Variants in ANP32D observed in about 807,000 individuals in gnomAD.
ANP32D encodes the protein acidic leucine-rich nuclear phosphoprotein 32 family member D.
In ANP32D, 6 loss-of-function variants were observed where a neutral mutation model predicts 7.8. That is an observed-to-expected ratio of 0.77 (90% CI 0.42 to 1.52). The LOEUF (loss-of-function observed/expected upper bound fraction) is 1.52. ANP32D is among the 40% of genes most tolerant of loss of function. ANP32D has a pLI of 0.01. For missense variants in ANP32D, 163 were observed against 145.9 expected (o/e 1.12, Z -0.60); for synonymous variants, 69 against 59.7 (o/e 1.16, Z -0.72).
Position 48,472,641 on chromosome 12 carries a change from G to C in ANP32D, c.-24G>C, listed in dbSNP as rs780959216. ...TTGGTTGAATTCCGCTGGCTCAGGA[G>C]CCTCTGCAGAGAAAGCGTGAGAGAT... is the stretch of plus-strand genomic sequence containing the variant. On this transcript the variant is annotated 5_prime_UTR_variant, in exon 1 of 1. Coordinates refer to ENST00000266594, the MANE Select transcript of ANP32D (RefSeq NM_012404.3). 1.1e-5 allele frequency: 18 copies of C among 1,613,512 alleles called. No homozygotes were observed. The highest frequency in any genetic ancestry group is 1.4e-5 in the Non-Finnish European group (17 of 1,179,758).
Position 48,472,970 on chromosome 12 carries a change from C to T in ANP32D, c.306C>T (p.Asp102=), listed in dbSNP as rs750420888. 6 of 1,614,134 alleles carry T rather than the reference C, an allele frequency of 3.7e-6. No individual in the cohort carries two copies. The Admixed American group carries it at 5.0e-5, about 13-fold the overall frequency. The change falls in exon 1 of 1, where the codon GAC becomes GAT. Residue 102 remains aspartate (D), a synonymous_variant. Transcript: ENST00000266594. The part of the protein sequence containing the change: ...HLNLSGNKIK[D]LSTIEPLKKL... ...ATTTAAGTGGCAACAAAATTAAAGA[C>T]CTCAGCACAATAGAGCCCCTGAAAA...
rs776346690 is a variant in ANP32D at position 48,472,936 on chromosome 12, T to A, written c.272T>A (p.Ile91Lys). ...TTGGCAGAAAAGTGTCCAAACCTCATACATCTAAATTTAAGTGGCAACAAA... is the reference window on the plus strand; with the variant it reads ...TTGGCAGAAAAGTGTCCAAACCTCAAACATCTAAATTTAAGTGGCAACAAA... The part of the protein sequence containing the change: ...EVLAEKCPNL[I>K]HLNLSGNKIK... The change falls in exon 1 of 1, where the codon ATA becomes AAA. Residue 91 changes from isoleucine to lysine, a missense_variant. Transcript: ENST00000266594. 1 of 1,614,148 alleles carries A rather than the reference T, an allele frequency of 6.2e-7. No homozygotes were observed. The highest frequency in any genetic ancestry group is 8.5e-7 in the Non-Finnish European group (1 of 1,180,034).
Position 48,473,195 on chromosome 12 carries a change from G to A in ANP32D, c.*135G>A, listed in dbSNP as rs1954096301. On this transcript the variant is annotated 3_prime_UTR_variant, in exon 1 of 1. Transcript: ENST00000266594. ...ACAAGGAGGAGGATGAGGATGAGGA[G>A]GAGTATGATGAAGATGCTCAGGTAA... 6.6e-6 allele frequency: 9 copies of A among 1,359,460 alleles called. No homozygotes were observed. The highest frequency in any genetic ancestry group is 2.4e-5 in the South Asian group (2 of 85,018). 84.2% of individuals were successfully genotyped at this position (1,359,460 alleles called of 1,614,324 possible). A position where few individuals can be genotyped will look rare whatever the true frequency, so the allele number is the denominator to read the frequency against.
At position 48,472,798 on chromosome 12, in the gene ANP32D, A is replaced by G. The variant is rs1449645143; in HGVS notation, c.134A>G (p.Glu45Gly). The G allele has an allele frequency of 6.2e-7, 1 of 1,614,200 alleles. No individual in the cohort carries two copies. The highest frequency in any genetic ancestry group is 1.3e-5 in the African/African-American group (1 of 75,046). Reference sequence around the variant, plus strand: ...CTCACAGATGAATTTGAAGAACTGGAATTATTAAATACAATCAACATAGGC... The same window carrying G: ...CTCACAGATGAATTTGAAGAACTGGGATTATTAAATACAATCAACATAGGC... The part of the protein sequence containing the change: ...EGLTDEFEEL[E>G]LLNTINIGLT... The change falls in exon 1 of 1, where the codon GAA (glutamate) becomes GGA (glycine). Residue 45 changes from glutamate to glycine, a missense_variant. Glu to Gly is a moderately conservative substitution (Grantham distance 98). Transcript: ENST00000266594.
Position 48,473,498 on chromosome 12 carries a change from T to A in ANP32D, c.*438T>A. On this transcript the variant is annotated 3_prime_UTR_variant, in exon 1 of 1. Coordinates refer to ENST00000266594, the MANE Select transcript of ANP32D (RefSeq NM_012404.3). ...CCTCCCCCACTCCAATCCTGCCCCCTGAAACTTATTTTTTTCTGATTGTAA... is the reference window on the plus strand; with the variant it reads ...CCTCCCCCACTCCAATCCTGCCCCCAGAAACTTATTTTTTTCTGATTGTAA... 2.5e-6 allele frequency: 1 copy of A among 396,446 alleles called. No individual in the cohort carries two copies. Among genetic ancestry groups the A allele is most frequent in the East Asian group, 6.5e-5 (1 of 15,318 alleles). The allele number at this position is 396,446 out of a possible 1,614,324, so 24.6% of individuals were successfully genotyped here.
Position 48,473,081 on chromosome 12 carries a change from C to G in ANP32D, c.*21C>G. The G allele has an allele frequency of 6.2e-7, 1 of 1,614,006 alleles. No individual in the cohort carries two copies. On this transcript the variant is annotated 3_prime_UTR_variant, in exon 1 of 1. Coordinates refer to ENST00000266594, the MANE Select transcript of ANP32D (RefSeq NM_012404.3). ...ACTGAGAAAAGATGTTCAAGCTCCT[C>G]CTGCAACTCACATATCTCAACGGCT...
chr12:48,472,985 G>A lies in ANP32D; in HGVS notation c.321G>A (p.Glu107=), dbSNP rs527368156. ...GNKIKDLSTI[E]PLKKLENLES... is the part of the protein sequence containing the mutation. ...AAATTAAAGACCTCAGCACAATAGA[G>A]CCCCTGAAAAAGTTAGAAAACCTCG... Residue 107 remains glutamate, a synonymous_variant, in exon 1 of 1, where the codon GAG becomes GAA. Coordinates refer to ENST00000266594, the MANE Select transcript of ANP32D (RefSeq NM_012404.3). 17 of 1,614,096 alleles carry A rather than the reference G, an allele frequency of 1.1e-5. No individual in the cohort carries two copies. The African/African-American group carries it at 2.0e-4, about 19-fold the overall frequency.
In ANP32D at chr12:48,472,761, A is replaced by C; in HGVS notation, c.97A>C (p.Lys33Gln). 6.2e-7 allele frequency: 1 copy of C among 1,614,230 alleles called. No individual in the cohort carries two copies. The highest frequency in any genetic ancestry group is 8.5e-7 in the Non-Finnish European group (1 of 1,180,030). The change falls in exon 1 of 1, where the codon AAA becomes CAA. Residue 33 changes from lysine (K) to glutamine (Q), a missense_variant. Coordinates refer to ENST00000266594, the MANE Select transcript of ANP32D (RefSeq NM_012404.3). The stretch of plus-strand genomic sequence containing the variant: ...GGACAACAGTCAGTCAAATGAAGGC[A>C]AATTGGAAGGCCTCACAGATGAATT... Reference protein sequence around the residue: ...FLDNSQSNEGKLEGLTDEFEE... With the variant: ...FLDNSQSNEGQLEGLTDEFEE...
Position 48,473,388 on chromosome 12 carries a change from G to T in ANP32D, c.*328G>T, listed in dbSNP as rs1954099247. ...GGGTCAGAAGCGAAAATAAGAAACT[G>T]AAGATGAGGGAGAAGACGATGCCTA... On this transcript the variant is annotated 3_prime_UTR_variant, in exon 1 of 1. Transcript: ENST00000266594. 1.1e-6 allele frequency: 1 copy of T among 917,392 alleles called. No individual in the cohort carries two copies. Among genetic ancestry groups the T allele is most frequent in the Non-Finnish European group, 1.7e-6 (1 of 585,250 alleles). The allele number at this position is 917,392 out of a possible 1,614,324, so 56.8% of individuals were successfully genotyped here.
Position 48,473,323 on chromosome 12 carries a change from A to T in ANP32D, c.*263A>T. On this transcript the variant is annotated 3_prime_UTR_variant, in exon 1 of 1. Coordinates refer to ENST00000266594, the MANE Select transcript of ANP32D (RefSeq NM_012404.3). ...GAAGGTTATAACAATGGAGAGGTAG[A>T]TGATGAGGAAGATGAAGAAGAGCTT... 1 of 1,178,844 alleles carries T rather than the reference A, an allele frequency of 8.5e-7. No homozygotes were observed. The highest frequency in any genetic ancestry group is 1.2e-6 in the Non-Finnish European group (1 of 806,530). 73.0% of individuals were successfully genotyped at this position (1,178,844 alleles called of 1,614,324 possible). A position where few individuals can be genotyped will look rare whatever the true frequency, so the allele number is the denominator to read the frequency against.
chr12:48,473,143 G>T lies in ANP32D; in HGVS notation c.*83G>T. On this transcript the variant is annotated 3_prime_UTR_variant, in exon 1 of 1. Transcript: ENST00000266594. ...GACAAGGAGGCCCCTAACTCGGATG[G>T]TGAGGGCTTTGTGGAGTGCCTGGAT... 6.3e-7 allele frequency: 1 copy of T among 1,597,298 alleles called. No individual in the cohort carries two copies. The highest frequency in any genetic ancestry group is 1.7e-5 in the Admixed American group (1 of 59,836).
Position 48,473,087 on chromosome 12 carries a change from A to AC in ANP32D, c.*28dup. ...AAAAGATGTTCAAGCTCCTCCTGCA[A>AC]CTCACATATCTCAACGGCTGTGACC... On this transcript the variant is annotated 3_prime_UTR_variant, in exon 1 of 1. Transcript: ENST00000266594. 1 of 1,613,942 alleles carries AC rather than the reference A, an allele frequency of 6.2e-7. No individual in the cohort carries two copies. The highest frequency in any genetic ancestry group is 8.5e-7 in the Non-Finnish European group (1 of 1,179,960).
In ANP32D at chr12:48,472,760, C is replaced by A. The variant is rs1415361371; in HGVS notation, c.96C>A (p.Gly32=). Residue 32 remains glycine (G), a synonymous_variant, in exon 1 of 1, where the codon GGC becomes GGA. Transcript: ENST00000266594. The stretch of plus-strand genomic sequence containing the variant: ...TGGACAACAGTCAGTCAAATGAAGG[C>A]AAATTGGAAGGCCTCACAGATGAAT... ...LFLDNSQSNE[G]KLEGLTDEFE... is the part of the protein sequence containing the mutation. 1 of 1,614,020 alleles carries A rather than the reference C, an allele frequency of 6.2e-7. No homozygotes were observed. Among genetic ancestry groups the A allele is most frequent in the Non-Finnish European group, 8.5e-7 (1 of 1,180,026 alleles).
rs1447842379 is a variant in ANP32D, at chr12:48,473,257, G to A, written c.*197G>A. On this transcript the variant is annotated 3_prime_UTR_variant, in exon 1 of 1. Coordinates refer to ENST00000266594, the MANE Select transcript of ANP32D (RefSeq NM_012404.3). ...GAGGACGAGGATGAGGAGGAGGAAC[G>A]TGAAGAGGAGGACGTGAGTGGAGAC... is the stretch of plus-strand genomic sequence containing the variant. The A allele has an allele frequency of 1.9e-5, 21 of 1,080,642 alleles. No individual in the cohort carries two copies. Among genetic ancestry groups the A allele is most frequent in the Admixed American group, 1.4e-4 (7 of 51,430 alleles). The allele number at this position is 1,080,642 out of a possible 1,614,324, so 66.9% of individuals were successfully genotyped here.
Position 48,473,155 on chromosome 12 carries a change from T to C in ANP32D, c.*95T>C. 6.4e-7 allele frequency: 1 copy of C among 1,551,254 alleles called. No individual in the cohort carries two copies. On this transcript the variant is annotated 3_prime_UTR_variant, in exon 1 of 1. Coordinates refer to ENST00000266594, the MANE Select transcript of ANP32D (RefSeq NM_012404.3). Reference sequence around the variant, plus strand: ...CCTAACTCGGATGGTGAGGGCTTTGTGGAGTGCCTGGATGACAAGGAGGAG... The same window carrying C: ...CCTAACTCGGATGGTGAGGGCTTTGCGGAGTGCCTGGATGACAAGGAGGAG...
chr12:48,473,057 C>T lies in ANP32D; in HGVS notation c.393C>T (p.Tyr131=), dbSNP rs747534211. 4 of 1,614,082 alleles carry T rather than the reference C, an allele frequency of 2.5e-6. No homozygotes were observed. In the East Asian group the frequency reaches 6.7e-5, roughly 27 times the overall value. ...GCGAGGTAACCAACCTGAACAACTA[C>T]TGAGAAAAGATGTTCAAGCTCCTCC... The part of the protein sequence containing the change: ...FTCEVTNLNN[Y] Residue 131 remains tyrosine, a synonymous_variant, in exon 1 of 1, where the codon TAC becomes TAT. Coordinates refer to ENST00000266594, the MANE Select transcript of ANP32D (RefSeq NM_012404.3).
Position 48,472,729 on chromosome 12 carries a change from T to G in ANP32D, c.65T>G (p.Leu22Arg). The G allele has an allele frequency of 1.2e-6, 2 of 1,614,116 alleles. No individual in the cohort carries two copies. The highest frequency in any genetic ancestry group is 1.7e-6 in the Non-Finnish European group (2 of 1,180,004). The change falls in exon 1 of 1, where the codon CTT (leucine) becomes CGT (arginine). Residue 22 changes from leucine (L) to arginine (R), a missense_variant. Physicochemically the swap from Leu to Arg is moderately radical, Grantham distance 102. Transcript: ENST00000266594. ...RNRTPSDVKE[L>R]FLDNSQSNEG... ...AGGACGCCCTCCGATGTGAAAGAACTTTTCCTGGACAACAGTCAGTCAAAT... is the reference window on the plus strand; with the variant it reads ...AGGACGCCCTCCGATGTGAAAGAACGTTTCCTGGACAACAGTCAGTCAAAT...
Position 48,473,297 on chromosome 12 carries a change from T to C in ANP32D, c.*237T>C, listed in dbSNP as rs759060837. ...TGAGTGGAGACGAGGAGGAGAAGGA[T>C]GAAGGTTATAACAATGGAGAGGTAG... On this transcript the variant is annotated 3_prime_UTR_variant, in exon 1 of 1. Coordinates refer to ENST00000266594, the MANE Select transcript of ANP32D (RefSeq NM_012404.3). 5.6e-5 allele frequency: 63 copies of C among 1,120,468 alleles called. No homozygotes were observed. The highest frequency in any genetic ancestry group is 8.0e-5 in the Non-Finnish European group (60 of 752,294). 69.4% of individuals were successfully genotyped at this position (1,120,468 alleles called of 1,614,324 possible). A position where few individuals can be genotyped will look rare whatever the true frequency, so the allele number is the denominator to read the frequency against.
chr12:48,473,130 C>T lies in ANP32D; in HGVS notation c.*70C>T. On this transcript the variant is annotated 3_prime_UTR_variant, in exon 1 of 1. Transcript: ENST00000266594. ...CTGTGACCCGGATGACAAGGAGGCC[C>T]CTAACTCGGATGGTGAGGGCTTTGT... 2 of 1,608,744 alleles carry T rather than the reference C, an allele frequency of 1.2e-6. No homozygotes were observed. Among genetic ancestry groups the T allele is most frequent in the Non-Finnish European group, 1.7e-6 (2 of 1,175,858 alleles).
Sources: allele counts gnomAD v4.1 joint callset, GRCh38; gene constraint gnomAD v4.1.1; transcripts MANE v1.5; gene names NCBI Gene and HGNC (gene_info 2026-07-23, HGNC 2026-07-21).